Variants in RAD51B observed in about 807,000 individuals in gnomAD.
RAD51B encodes DNA repair protein RAD51 homolog 2.
In RAD51B, 38 loss-of-function variants were observed where a neutral mutation model predicts 42.2. The observed-to-expected ratio is 0.90, with a 90% CI of 0.70 to 1.18. The LOEUF (loss-of-function observed/expected upper bound fraction) is 1.18. Ranked by LOEUF, RAD51B falls within the 50% of genes most tolerant of loss-of-function variation. The probability of loss-of-function intolerance (pLI) is 0.00; values close to 1 mark genes in which losing one functional copy is unlikely to be tolerated. For synonymous variants in RAD51B, 154 were observed against 145.2 expected (o/e 1.06, Z -0.43); for missense variants, 373 against 400.7 (o/e 0.93, Z 0.59).
At chr14:67,936,038 G>A (rs1327016810) in intron 7 of RAD51B, among the ~76,000 whole-genome samples, 1 of 151,560 alleles carries the variant, frequency 6.6e-6, no homozygotes, top group Non-Finnish European at 1.5e-5. Flanking sequence ...TCTTATAAAG[G>A]ACACATTATA....
chr14:68,134,546 T>C (rs2077968565), intron 7 of RAD51B, among the ~76,000 whole-genome samples: 1 of 152,182 alleles, frequency 6.6e-6, no homozygotes, highest in Non-Finnish European at 1.5e-5. Flanking sequence ...GGCGATTCCA[T>C]TTTACATTTC....
chr14:67,826,798 G>A (rs528420076), intron 3 of RAD51B, among the ~76,000 whole-genome samples: 261 of 151,322 alleles, frequency 1.7e-3, no homozygotes, highest in African/African-American at 6.1e-3. Flanking sequence ...TCCTCCCACC[G>A]CAGCCTCCCG....
At chr14:68,462,066 G>T (rs2085859806) in intron 9 of RAD51B, among the ~76,000 whole-genome samples, 2 of 152,198 alleles carry the variant, frequency 1.3e-5, no homozygotes, top group South Asian at 4.1e-4. Flanking sequence ...AAATGCCCCA[G>T]ATCTGCTGAG....
chr14:68,115,181 G>A (rs541246915), intron 7 of RAD51B, among the ~76,000 whole-genome samples: 6 of 136,456 alleles, frequency 4.4e-5, no homozygotes, highest in Non-Finnish European at 7.5e-5. Flanking sequence ...TTAAGAAAAT[G>A]TGGCACATAT....
In RAD51B at chr14:68,127,569, A is replaced by G. The variant is rs139043092; in HGVS notation, c.757-164315A>G. Among the ~76,000 whole-genome samples the G allele has an allele frequency of 5.5e-3, 834 of 151,492 alleles. 5 individuals are homozygous for G. Among genetic ancestry groups the G allele is most frequent in the Middle Eastern group, 0.017 (5 of 294 alleles). On this transcript the variant is annotated intron_variant, in intron 7 of 10. Transcript: ENST00000471583. The stretch of plus-strand genomic sequence containing the variant: ...CTCATATTCCAGTTAGCGGTACTGT[A>G]TAGTGATAATTCATAAATAACAATT...
intron 4 of RAD51B, among the ~76,000 whole-genome samples, chr14:67,854,997 G>T (rs890974481): frequency 1.4e-4 from 22 of 152,154 alleles, no homozygotes; most frequent in African/African-American, 5.1e-4. Flanking sequence ...ATAATCTAGA[G>T]TACAGGACCA....
chr14:68,259,542 A>T (rs1330908672), intron 7 of RAD51B, among the ~76,000 whole-genome samples: 2 of 152,228 alleles, frequency 1.3e-5, no homozygotes, highest in Admixed American at 6.5e-5. Context: ...TATCATGTGT[A>T]ATTTAACAAG....
chr14:67,879,990 T>A (rs1302786400), intron 5 of RAD51B, among the ~76,000 whole-genome samples: 1 of 152,244 alleles, frequency 6.6e-6, no homozygotes, highest in African/African-American at 2.4e-5. Context: ...TCTTAGGCTC[T>A]TAATGGATAT....
chr14:68,052,046 C>T (rs971120590), intron 7 of RAD51B, among the ~76,000 whole-genome samples: 3 of 152,104 alleles, frequency 2.0e-5, no homozygotes, highest in Non-Finnish European at 4.4e-5. Context: ...ATGTAATAAC[C>T]AGACCATAGA....
chr14:67,884,514 T>C (rs923784821), intron 5 of RAD51B, among the ~76,000 whole-genome samples: 2 of 152,220 alleles, frequency 1.3e-5, no homozygotes, highest in Non-Finnish European at 2.9e-5. Flanking sequence ...TGACCAGCAC[T>C]AAACTCAGCA....
intron 7 of RAD51B, among the ~76,000 whole-genome samples, chr14:68,121,359 T>C (rs558101086): frequency 6.6e-6 from 1 of 152,310 alleles, no homozygotes; most frequent in African/African-American, 2.4e-5. Context: ...TAGACATGTT[T>C]TATGGCACCT....
chr14:68,457,773 A>ATTTTTTTTT (rs771439291), intron 9 of RAD51B, among the ~76,000 whole-genome samples: 5 of 106,736 alleles, frequency 4.7e-5, no homozygotes, highest in Admixed American at 9.6e-5. Context: ...TAATTTTTGT[A>ATTTTTTTTT]TTTTTTTTTT....
intron 7 of RAD51B, among the ~76,000 whole-genome samples, chr14:68,256,654 C>A (rs2080759619): frequency 6.6e-6 from 1 of 152,148 alleles, no homozygotes; most frequent in South Asian, 2.1e-4. Context: ...GTAAACTTTG[C>A]TTTTTCTCTG....
chr14:68,526,399 C>T (rs1359952861), intron 10 of RAD51B, among the ~76,000 whole-genome samples: 3 of 152,218 alleles, frequency 2.0e-5, no homozygotes, highest in African/African-American at 4.8e-5. Context: ...AACAAACCCA[C>T]CTAATGATAT....
At chr14:68,245,316 C>T (rs1263561360) in intron 7 of RAD51B, among the ~76,000 whole-genome samples, 2 of 152,318 alleles carry the variant, frequency 1.3e-5, no homozygotes, top group South Asian at 2.1e-4. Context: ...AATAGACTTG[C>T]AACTATGGTT....
At chr14:68,219,817 T>A (rs2079889751) in intron 7 of RAD51B, among the ~76,000 whole-genome samples, 1 of 152,170 alleles carries the variant, frequency 6.6e-6, no homozygotes, top group Non-Finnish European at 1.5e-5. Context: ...TCACCAGCAA[T>A]TGATTCAAAC....
At chr14:67,928,748 G>A (rs895040034) in intron 7 of RAD51B, among the ~76,000 whole-genome samples, 1 of 151,928 alleles carries the variant, frequency 6.6e-6, no homozygotes, top group Non-Finnish European at 1.5e-5. Flanking sequence ...TGTTAGAAAA[G>A]AAATGGTTTG....
chr14:68,084,609 CATG>C (rs1413123490), intron 7 of RAD51B, among the ~76,000 whole-genome samples: 5 of 152,158 alleles, frequency 3.3e-5, no homozygotes, highest in African/African-American at 1.2e-4. Context: ...TATTTGTAAT[CATG>C]AGGAGCAGAG....
chr14:68,466,060 T>C (rs1023346313), intron 9 of RAD51B, among the ~76,000 whole-genome samples: 1 of 152,190 alleles, frequency 6.6e-6, no homozygotes, highest in Non-Finnish European at 1.5e-5. Flanking sequence ...TCAAATGAGA[T>C]ATTTTTGACA....
Sources: gnomAD v4.1 joint callset for allele counts (sites outside exome capture counted in the v4.1 genomes callset) on GRCh38, gnomAD v4.1.1 for gene constraint, MANE v1.5 for transcripts, NCBI Gene and HGNC (gene_info 2026-07-23, HGNC 2026-07-21) for gene names.